KIAA1671: variants seen among roughly 807,000 people sequenced by gnomAD.
The protein encoded by KIAA1671 is uncharacterized protein KIAA1671.
Under a neutral mutation model 131.2 loss-of-function variants are expected in KIAA1671, and 52 were observed. The observed-to-expected ratio is 0.40, with a 90% CI of 0.32 to 0.50. KIAA1671 has a LOEUF of 0.50. Among genes scored for constraint, KIAA1671 ranks in the 20% least tolerant of loss-of-function variants. The pLI, the probability that KIAA1671 is intolerant of heterozygous loss-of-function variation, is 0.73. For missense variants in KIAA1671, 2,360 were observed against 2,364.2 expected (o/e 1.00, Z 0.04); for synonymous variants, 1,003 against 961.6 (o/e 1.04, Z -0.80).
rs188361369 is a variant in KIAA1671 at position 25,001,123 on chromosome 22, A to G, written c.-207-24510A>G. Among the ~76,000 whole-genome samples the G allele has an allele frequency of 2.8e-3, 420 of 151,516 alleles. 3 individuals are homozygous for G. The highest frequency in any genetic ancestry group is 9.6e-3 in the African/African-American group (397 of 41,310). ...TTTTCTTATTGATTTATAGTTCTTT[A>G]TATATTCTGAATAGAGTGCTTTGTA... On this transcript the variant is annotated intron_variant, in intron 1 of 12. Coordinates refer to ENST00000358431, the MANE Select transcript of KIAA1671 (RefSeq NM_001145206.2).
At chr22:24,996,843 A>G (rs1278288012) in intron 1 of KIAA1671, among the ~76,000 whole-genome samples, 1 of 152,198 alleles carries the variant, frequency 6.6e-6, no homozygotes, top group East Asian at 1.9e-4. Context: ...GACAACTGTC[A>G]TAGCAGCTGG....
intron 6 of KIAA1671, among the ~76,000 whole-genome samples, chr22:25,121,770 A>G (rs1931957517): frequency 6.6e-6 from 1 of 152,266 alleles, no homozygotes; most frequent in Non-Finnish European, 1.5e-5. Context: ...GGAAAATAAT[A>G]AAATGTAGCA....
chr22:25,159,948 C>T (rs887348940), intron 6 of KIAA1671, among the ~76,000 whole-genome samples: 3 of 152,294 alleles, frequency 2.0e-5, no homozygotes, highest in African/African-American at 2.4e-5. Context: ...GGAGTGAACC[C>T]CATTATTTCA....
At chr22:25,052,468 C>T (rs370510802) in intron 6 of KIAA1671, 2 of 152,224 alleles carry the variant, frequency 1.3e-5, no homozygotes, top group African/African-American at 4.8e-5. Context: ...CTAACACTTA[C>T]TATCGTTACA....
At chr22:25,099,204 A>C (rs549911891) in intron 6 of KIAA1671, among the ~76,000 whole-genome samples, 3 of 120,916 alleles carry the variant, frequency 2.5e-5, no homozygotes, top group Non-Finnish European at 5.1e-5. Flanking sequence ...TTTTGTTCCC[A>C]TGAGTTGGTC....
chr22:24,966,395 G>A (rs1358198342), intron 1 of KIAA1671, among the ~76,000 whole-genome samples: 2 of 152,312 alleles, frequency 1.3e-5, no homozygotes, highest in African/African-American at 4.8e-5. Context: ...GGCCTGTCTG[G>A]ACTTGAAGCC....
intron 1 of KIAA1671, among the ~76,000 whole-genome samples, chr22:24,981,421 C>T (rs553017550): frequency 6.6e-5 from 10 of 152,230 alleles, no homozygotes; most frequent in South Asian, 4.1e-4. Flanking sequence ...GCTGGAGCCC[C>T]GCATCGCATT....
Position 25,177,810 on chromosome 22 carries a change from CCTTT to C in KIAA1671, c.5074+291_5074+294del, listed in dbSNP as rs539551112. Among the ~76,000 whole-genome samples the C allele has an allele frequency of 1.6e-4, 24 of 152,262 alleles. No individual in the cohort carries two copies. The South Asian group carries it at 2.3e-3, about 14-fold the overall frequency. On this transcript the variant is annotated intron_variant, in intron 9 of 12. Transcript: ENST00000358431. ...ATATCCCAGCCCTCGGTTCTGCTTCCCTTTCTGAGTCCCACAAAAGCCACATGTG... is the reference window on the plus strand; with the variant it reads ...ATATCCCAGCCCTCGGTTCTGCTTCCCTGAGTCCCACAAAAGCCACATGTG...
intron 6 of KIAA1671, among the ~76,000 whole-genome samples, chr22:25,146,538 G>T (rs1932881994): frequency 6.6e-6 from 1 of 152,162 alleles, no homozygotes; most frequent in African/African-American, 2.4e-5. Flanking sequence ...TAGAATATGT[G>T]GGGGCAAGGA....
At chr22:24,964,940 C>T (rs1381121528) in intron 1 of KIAA1671, among the ~76,000 whole-genome samples, 2 of 152,142 alleles carry the variant, frequency 1.3e-5, no homozygotes, top group Non-Finnish European at 2.9e-5. Flanking sequence ...GTGTTAGATC[C>T]TGTTCCCACA....
chr22:24,958,149 C>G (rs1445920580), intron 1 of KIAA1671, among the ~76,000 whole-genome samples: 1 of 151,924 alleles, frequency 6.6e-6, no homozygotes, highest in Admixed American at 6.6e-5. Context: ...CAAAGCCATG[C>G]CCTTCCCACT....
At chr22:25,073,781 C>T (rs1173547179) in intron 6 of KIAA1671, among the ~76,000 whole-genome samples, 3 of 152,230 alleles carry the variant, frequency 2.0e-5, no homozygotes, top group Non-Finnish European at 2.9e-5. Flanking sequence ...ACTGCAACCT[C>T]TGCCTCCCAG....
chr22:25,038,630 A>G (rs957292710), intron 4 of KIAA1671, 130 bp from the exon 5 acceptor site: 8 of 1,018,524 alleles, frequency 7.9e-6, no homozygotes, highest in Non-Finnish European at 9.8e-6. Context: ...GGGTGTGTTC[A>G]TTCTTTTCAA....
rs1568951643 is a variant in KIAA1671, at chr22:25,093,842, C to CTCTCTCTG, written c.4530+44485_4530+44486insGTCTCTCT. 1.7e-4 allele frequency among the ~76,000 whole-genome samples: 11 copies of CTCTCTCTG among 64,118 alleles called. 2 individuals carry two copies. The highest frequency in any genetic ancestry group is 1.1e-3 in the South Asian group (2 of 1,848). 42.1% of individuals were successfully genotyped at this position (64,118 alleles called of 152,430 possible). A position where few individuals can be genotyped will look rare whatever the true frequency, so the allele number is the denominator to read the frequency against. On this transcript the variant is annotated intron_variant, in intron 6 of 12. Coordinates refer to ENST00000358431, the MANE Select transcript of KIAA1671 (RefSeq NM_001145206.2). ...TCTCTCTTTCTCTCTCTGTCTGTCT[C>CTCTCTCTG]TCTCTCTCTCTCTCTCTCTCTCTCT...
chr22:25,104,381 G>A lies in KIAA1671; in HGVS notation c.4530+55017G>A, dbSNP rs951270662. On this transcript the variant is annotated intron_variant, in intron 6 of 12. Transcript: ENST00000358431. ...AAGCAGGATGTGAAGAGGGTCATATGAGTGGGACCTCCTGCGGGAGATCTG... is the reference window on the plus strand; with the variant it reads ...AAGCAGGATGTGAAGAGGGTCATATAAGTGGGACCTCCTGCGGGAGATCTG... 1.1e-4 allele frequency among the ~76,000 whole-genome samples: 16 copies of A among 152,352 alleles called. No homozygotes were observed. In the South Asian group the frequency reaches 1.4e-3, roughly 14 times the overall value.
At chr22:24,980,186 T>C (rs1185499256) in intron 1 of KIAA1671, among the ~76,000 whole-genome samples, 1 of 152,154 alleles carries the variant, frequency 6.6e-6, no homozygotes, top group Non-Finnish European at 1.5e-5. Flanking sequence ...CATCAGTGGA[T>C]GCTTGACTTG....
rs776553093 is a variant in KIAA1671 at position 25,177,536 on chromosome 22, TCTCTC to T, written c.5074+18_5074+22del. 2.6e-6 allele frequency: 4 copies of T among 1,542,706 alleles called. No individual in the cohort carries two copies. The highest frequency in any genetic ancestry group is 3.5e-6 in the Non-Finnish European group (4 of 1,139,784). ...AAGACTCAACGGGTATGCCATGACT[TCTCTC>T]CTCCTCAGATAGCACATTGAACAGC... is the stretch of plus-strand genomic sequence containing the variant. On this transcript the variant is annotated intron_variant, in intron 9 of 12. Transcript: ENST00000358431.
At chr22:25,092,704 A>G (rs1358555592) in intron 6 of KIAA1671, among the ~76,000 whole-genome samples, 1 of 152,214 alleles carries the variant, frequency 6.6e-6, no homozygotes, top group African/African-American at 2.4e-5. Context: ...ATGGATTGGA[A>G]GATCTGGGGA....
chr22:25,007,629 G>T (rs944895212), intron 1 of KIAA1671, among the ~76,000 whole-genome samples: 3 of 152,092 alleles, frequency 2.0e-5, no homozygotes, highest in African/African-American at 7.2e-5. Context: ...CATAAGACAT[G>T]TCCACCAGTG....
Sources: gnomAD v4.1 joint callset for allele counts (sites outside exome capture counted in the v4.1 genomes callset) on GRCh38, gnomAD v4.1.1 for gene constraint, MANE v1.5 for transcripts, NCBI Gene and HGNC (gene_info 2026-07-23, HGNC 2026-07-21) for gene names.